The following ABR variants were observed in gnomAD, a reference collection of about 807,000 sequenced individuals.
The protein encoded by ABR is active breakpoint cluster region-related protein.
ABR carries 35 observed loss-of-function variants against 107.2 expected under a neutral mutation model. The ratio of observed to expected loss-of-function variants is 0.33; its 90% CI spans 0.25 to 0.43. ABR has a LOEUF of 0.43. Ranked by LOEUF, ABR falls within the 20% of genes least tolerant of loss-of-function variation. ABR has a pLI of 1.00. For missense variants in ABR, 815 were observed against 1,115.2 expected (o/e 0.73, Z 3.83); for synonymous variants, 498 against 462.0 (o/e 1.08, Z -1.00).
At chr17:1,224,821 C>T (rs1271571537) in intron 1 of ABR, among the ~76,000 whole-genome samples, 1 of 152,084 alleles carries the variant, frequency 6.6e-6, no homozygotes, top group Non-Finnish European at 1.5e-5. Flanking sequence ...ACTATAGGTT[C>T]ACACCACCAC....
In ABR at chr17:1,079,788, CAAAAAAAAAAAAAAAAAAAAAA is replaced by C. The variant is rs57412625; in HGVS notation, c.640-420_640-399del. Reference sequence around the variant, plus strand: ...TGGGCAACAGGGCGAGACTCTGTCTCAAAAAAAAAAAAAAAAAAAAAAAAAAAAAAAAAAAAAAAGAAAGACA... The same window carrying C: ...TGGGCAACAGGGCGAGACTCTGTCTCAAAAAAAAAAAAAAAAAGAAAGACA... On this transcript the variant is annotated intron_variant, in intron 5 of 22. Coordinates refer to ENST00000302538, the MANE Select transcript of ABR (RefSeq NM_021962.5). Among the ~76,000 whole-genome samples, 34 of 55,112 alleles carry C rather than the reference CAAAAAAAAAAAAAAAAAAAAAA, an allele frequency of 6.2e-4. No homozygotes were observed. The South Asian group carries it at 0.013, about 21-fold the overall frequency. The allele number at this position is 55,112 out of a possible 152,430, so 36.2% of individuals were successfully genotyped here. A position where few individuals can be genotyped will look rare whatever the true frequency, so the allele number is the denominator to read the frequency against.
Position 1,152,365 on chromosome 17 carries a change from G to A in ABR, c.62-26998C>T, listed in dbSNP as rs1049963036. Among the ~76,000 whole-genome samples, 30 of 151,462 alleles carry A rather than the reference G, an allele frequency of 2.0e-4. 1 individual carries two copies. The highest frequency in any genetic ancestry group is 8.8e-5 in the Non-Finnish European group (6 of 67,936). ...AGCACTTTGGGAGGCTGAGGTGGGT[G>A]GATCACCTGAGGTCAGGAGTTTGAG... On this transcript the variant is annotated intron_variant, in intron 1 of 22. Transcript: ENST00000302538.
At chr17:1,224,010 A>C (rs1168055578) in intron 1 of ABR, among the ~76,000 whole-genome samples, 1 of 152,218 alleles carries the variant, frequency 6.6e-6, no homozygotes, top group Non-Finnish European at 1.5e-5. Context: ...TCCATGAATT[A>C]AAGCATACGA....
chr17:1,011,646 T>C lies in ABR; in HGVS notation c.2101+200A>G. The C allele has an allele frequency of 1.9e-6, 1 of 539,262 alleles. No homozygotes were observed. The highest frequency in any genetic ancestry group is 3.3e-5 in the East Asian group (1 of 30,014). 33.4% of individuals were successfully genotyped at this position (539,262 alleles called of 1,614,324 possible). Reference sequence around the variant, plus strand: ...GGCAAGTGAGTCGGCCCTTGTGAGTTTCTGCAGTTGCTTACCTGCAGCAAG... The same window carrying C: ...GGCAAGTGAGTCGGCCCTTGTGAGTCTCTGCAGTTGCTTACCTGCAGCAAG... On this transcript the variant is annotated intron_variant, in intron 19 of 22. Transcript: ENST00000302538. The surrounding 1 kb of genome is among the most constrained non-coding windows in gnomAD (Gnocchi z 4.8).
At chr17:1,105,344 T>C (rs2038176077) in intron 2 of ABR, among the ~76,000 whole-genome samples, 2 of 152,254 alleles carry the variant, frequency 1.3e-5, no homozygotes, top group South Asian at 4.1e-4. Flanking sequence ...TACACGTATT[T>C]GAAATCGTAA....
chr17:1,198,753 A>G (rs2042616235), intron 1 of ABR, among the ~76,000 whole-genome samples: 1 of 149,478 alleles, frequency 6.7e-6, no homozygotes, highest in Non-Finnish European at 1.5e-5. Context: ...CTCCTGCCTC[A>G]GCCTCTCCAG....
chr17:1,199,638 A>G (rs113409035), intron 1 of ABR, among the ~76,000 whole-genome samples: 1,715 of 152,114 alleles, frequency 0.011, 105 homozygotes, highest in African/African-American at 0.039. Flanking sequence ...CAGTAGAGAC[A>G]GGGTTTCACC....
At chr17:1,060,176 C>T (rs1315906735) in intron 10 of ABR, among the ~76,000 whole-genome samples, 8 of 152,190 alleles carry the variant, frequency 5.3e-5, no homozygotes, top group Admixed American at 4.6e-4. Flanking sequence ...TTTGGGAGGC[C>T]GAGGTGGGCG....
intron 5 of ABR, among the ~76,000 whole-genome samples, chr17:1,082,556 G>A (rs1444358436): frequency 1.3e-5 from 2 of 152,210 alleles, no homozygotes; most frequent in African/African-American, 2.4e-5. Flanking sequence ...AGAAGCACGC[G>A]TGTTCCCGGC....
At chr17:1,145,800 G>A (rs369421359) in intron 1 of ABR, among the ~76,000 whole-genome samples, 15 of 152,270 alleles carry the variant, frequency 9.9e-5, no homozygotes, top group Middle Eastern at 3.4e-3. Context: ...CCAGAGCCAC[G>A]CAGCTCCGGG....
At chr17:1,180,223 C>G (rs939241554), upstream of ABR, among the ~76,000 whole-genome samples, 23 of 152,060 alleles carry the variant, frequency 1.5e-4, no homozygotes, top group African/African-American at 5.1e-4. Context: ...CCTCGTCCCC[C>G]CCGCGCCGGG....
At chr17:1,104,298 C>T (rs1233226478) in intron 2 of ABR, among the ~76,000 whole-genome samples, 1 of 152,188 alleles carries the variant, frequency 6.6e-6, no homozygotes, top group Admixed American at 6.5e-5. Flanking sequence ...CTGGTAGGAA[C>T]AATGTCTAGA....
intron 1 of ABR, among the ~76,000 whole-genome samples, chr17:1,144,570 C>A (rs911537274): frequency 6.7e-6 from 1 of 148,176 alleles, no homozygotes; most frequent in Admixed American, 6.8e-5. Flanking sequence ...CAAACAATAA[C>A]GCGTTCAGTC....
chr17:1,120,947 G>C (rs994688790), intron 2 of ABR, among the ~76,000 whole-genome samples: 1 of 152,174 alleles, frequency 6.6e-6, no homozygotes, highest in African/African-American at 2.4e-5. Flanking sequence ...GGGGAGGCGG[G>C]TTTTCTGTAA....
At chr17:1,147,778 C>T (rs1464077539) in intron 1 of ABR, among the ~76,000 whole-genome samples, 1 of 152,174 alleles carries the variant, frequency 6.6e-6, no homozygotes, top group Non-Finnish European at 1.5e-5. Flanking sequence ...ACACACTTCC[C>T]AACACAGCAC....
intron 1 of ABR, among the ~76,000 whole-genome samples, chr17:1,212,709 GA>G (rs1173995228): frequency 6.6e-6 from 1 of 152,158 alleles, no homozygotes; most frequent in African/African-American, 2.4e-5. Flanking sequence ...GATCAACATG[GA>G]AAAACTCCAT....
At chr17:1,196,112 G>A (rs1284863846) in intron 1 of ABR, among the ~76,000 whole-genome samples, 2 of 128,358 alleles carry the variant, frequency 1.6e-5, no homozygotes, top group African/African-American at 3.1e-5. Context: ...CTGAGCAACA[G>A]AGCGAGATTC....
Position 1,034,963 on chromosome 17 carries a change from G to A in ABR, c.1791+15087C>T, listed in dbSNP as rs184868034. Among the ~76,000 whole-genome samples the A allele has an allele frequency of 6.0e-4, 92 of 152,172 alleles. 1 individual carries two copies. Among genetic ancestry groups the A allele is most frequent in the Non-Finnish European group, 1.1e-3 (74 of 67,982 alleles). On this transcript the variant is annotated intron_variant, in intron 16 of 22. Coordinates refer to ENST00000302538, the MANE Select transcript of ABR (RefSeq NM_021962.5). ...ATACTTGTCTAGGTAAAGCAAGCTC[G>A]GACTGGATGAACGATGGCCAGCTGG...
chr17:1,058,046 C>G lies in ABR; in HGVS notation c.1306-1G>C. The G allele has an allele frequency of 6.2e-7, 1 of 1,612,164 alleles. No individual in the cohort carries two copies. Among genetic ancestry groups the G allele is most frequent in the Non-Finnish European group, 8.5e-7 (1 of 1,178,776 alleles). On this transcript the variant is annotated splice_acceptor_variant, in intron 11 of 22. Transcript: ENST00000302538. LOFTEE classifies it high-confidence loss of function. ...CCGAGGACAGTAGGAACAGGTAACT[C>G]TGAAGAGAGGAGATAAGCATAAAGT...
Sources: gnomAD v4.1 joint callset for allele counts (sites outside exome capture counted in the v4.1 genomes callset) on GRCh38, gnomAD v4.1.1 for gene constraint, Gnocchi (gnomAD v3.1) non-coding constraint, MANE v1.5 for transcripts, NCBI Gene and HGNC (gene_info 2026-07-23, HGNC 2026-07-21) for gene names.